The following PLCB1 variants were observed in gnomAD, a reference collection of about 807,000 sequenced individuals.
The protein encoded by PLCB1 is 1-phosphatidylinositol 4,5-bisphosphate phosphodiesterase beta-1.
In PLCB1, 46 loss-of-function variants were observed where a neutral mutation model predicts 161.8. The observed-to-expected ratio is 0.28, with a 90% CI of 0.22 to 0.36. The LOEUF (loss-of-function observed/expected upper bound fraction) is 0.36. Ranked by LOEUF, PLCB1 falls within the 10% of genes least tolerant of loss-of-function variation. PLCB1 has a pLI of 1.00. For synonymous variants in PLCB1, 517 were observed against 503.7 expected (o/e 1.03, Z -0.35); for missense variants, 1,016 against 1,472.5 (o/e 0.69, Z 5.07).
chr20:8,444,989 T>C (rs1248105057), intron 3 of PLCB1, among the ~76,000 whole-genome samples: 1 of 152,210 alleles, frequency 6.6e-6, no homozygotes, highest in Non-Finnish European at 1.5e-5. Flanking sequence ...TCTCCCATTC[T>C]GTAGGTTGTC....
intron 2 of PLCB1, among the ~76,000 whole-genome samples, chr20:8,247,641 A>AACACACACACAC (rs113727213): frequency 2.6e-4 from 38 of 147,354 alleles, no homozygotes; most frequent in African/African-American, 8.9e-4. Context: ...CATACACGCA[A>AACACACACACAC]ACACACACAC....
intron 2 of PLCB1, among the ~76,000 whole-genome samples, chr20:8,246,051 G>A (rs971106385): frequency 6.6e-6 from 1 of 151,836 alleles, no homozygotes; most frequent in African/African-American, 2.4e-5. Flanking sequence ...TTTTGTACAT[G>A]AGCATTCATT....
intron 7 of PLCB1, among the ~76,000 whole-genome samples, chr20:8,654,374 T>G (rs1989396944): frequency 6.6e-6 from 1 of 152,034 alleles, no homozygotes; most frequent in Non-Finnish European, 1.5e-5. Flanking sequence ...GTGCCTGATG[T>G]GATGGACCAC....
intron 23 of PLCB1, among the ~76,000 whole-genome samples, chr20:8,743,209 T>C (rs970521965): frequency 6.6e-6 from 1 of 152,226 alleles, no homozygotes; most frequent in African/African-American, 2.4e-5. Flanking sequence ...TTCATTGTGT[T>C]GATGTATGTT....
intron 29 of PLCB1, 35 bp downstream of exon 29, chr20:8,788,757 A>C: frequency 3.8e-6 from 5 of 1,331,030 alleles, no homozygotes; most frequent in Non-Finnish European, 5.3e-6. Context: ...CAAACAGTTC[A>C]TCTGGGAATT....
At chr20:8,733,654 G>A (rs184248121) in intron 19 of PLCB1, among the ~76,000 whole-genome samples, 1 of 150,912 alleles carries the variant, frequency 6.6e-6, no homozygotes, top group East Asian at 2.0e-4. Context: ...TGGGGGGAGC[G>A]GGGAGGGATA....
chr20:8,828,179 T>C (rs1985804363), intron 31 of PLCB1, among the ~76,000 whole-genome samples: 1 of 152,176 alleles, frequency 6.6e-6, no homozygotes, highest in Non-Finnish European at 1.5e-5. Context: ...GGTTGAAAGC[T>C]CTGGAAACGT....
intron 2 of PLCB1, among the ~76,000 whole-genome samples, chr20:8,355,004 G>A (rs1382518250): frequency 6.6e-6 from 1 of 152,140 alleles, no homozygotes; most frequent in Non-Finnish European, 1.5e-5. Context: ...GTTTAAATGT[G>A]TTGATGTATC....
chr20:8,137,411 A>T (rs759462497), intron 1 of PLCB1, among the ~76,000 whole-genome samples: 8 of 152,204 alleles, frequency 5.3e-5, no homozygotes, highest in Non-Finnish European at 8.8e-5. Flanking sequence ...GCAACTACAA[A>T]GTGCAAGGTG....
chr20:8,713,253 A>AT (rs879431016), intron 12 of PLCB1, among the ~76,000 whole-genome samples: 6 of 152,094 alleles, frequency 3.9e-5, no homozygotes, highest in Non-Finnish European at 8.8e-5. Flanking sequence ...CAGTGGTGCA[A>AT]TCTCGGCTTA....
intron 3 of PLCB1, among the ~76,000 whole-genome samples, chr20:8,372,607 C>T (rs1373559954): frequency 6.6e-6 from 1 of 152,140 alleles, no homozygotes; most frequent in African/African-American, 2.4e-5. Context: ...ACATTTATCT[C>T]CTTAGTAACA....
rs1982810033 is a variant in PLCB1 at position 8,488,202 on chromosome 20, GAGTCTAGGA to G, written c.246+116754_246+116762del. 2.0e-5 allele frequency among the ~76,000 whole-genome samples: 3 copies of G among 152,220 alleles called. No homozygotes were observed. In the South Asian group the frequency reaches 6.2e-4, roughly 32 times the overall value. On this transcript the variant is annotated intron_variant, in intron 3 of 31. Transcript: ENST00000338037. ...CAATTAAGTTTTAAATGATTCAAGT[GAGTCTAGGA>G]ATGTAAATCTTAACCATTGCAGAAG...
intron 23 of PLCB1, among the ~76,000 whole-genome samples, chr20:8,746,827 C>T (rs1010080201): frequency 3.3e-5 from 5 of 152,212 alleles, no homozygotes; most frequent in Admixed American, 6.5e-5. Context: ...TTCTGCAACT[C>T]ATGTTCCACA....
intron 3 of PLCB1, among the ~76,000 whole-genome samples, chr20:8,621,525 C>G (rs2123198745): frequency 6.6e-6 from 1 of 152,280 alleles, no homozygotes; most frequent in Middle Eastern, 3.4e-3. Context: ...GACCATTTAG[C>G]TTCGACTCTT....
At chr20:8,391,670 C>T (rs958085185) in intron 3 of PLCB1, among the ~76,000 whole-genome samples, 1 of 151,326 alleles carries the variant, frequency 6.6e-6, no homozygotes, top group Non-Finnish European at 1.5e-5. Flanking sequence ...AGACATAAAT[C>T]ATAATGTTTG....
At position 8,774,256 on chromosome 20, in the gene PLCB1, GATT is replaced by G. The variant is rs3830779; in HGVS notation, c.2931-276_2931-274del. On this transcript the variant is annotated intron_variant, in intron 26 of 31. Transcript: ENST00000338037. ...TTAGACACTGTTTTTCCCAAACGGA[GATT>G]ATTATTCTCACCACTGCCATGCCTA... Among the ~76,000 whole-genome samples the G allele has an allele frequency of 0.31, 47,817 of 151,820 alleles. 7,561 individuals are homozygous for G. The highest frequency in any genetic ancestry group is 0.48 in the Middle Eastern group (142 of 294).
chr20:8,661,503 T>C (rs1989620513), intron 9 of PLCB1, among the ~76,000 whole-genome samples: 1 of 150,472 alleles, frequency 6.6e-6, no homozygotes. Context: ...TCTGGCTGGC[T>C]GTATTTGTAG....
intron 3 of PLCB1, among the ~76,000 whole-genome samples, chr20:8,415,154 A>G (rs1979215096): frequency 6.6e-6 from 1 of 152,158 alleles, no homozygotes. Flanking sequence ...CTTACTTTAA[A>G]TCTTTTCCCA....
chr20:8,136,198 G>A (rs1379335081), intron 1 of PLCB1, among the ~76,000 whole-genome samples: 1 of 152,164 alleles, frequency 6.6e-6, no homozygotes, highest in Non-Finnish European at 1.5e-5. Context: ...CCCAACTTCA[G>A]TTTCCTCAAC....
Sources: allele counts gnomAD v4.1 joint callset (sites outside exome capture counted in the v4.1 genomes callset), GRCh38; gene constraint gnomAD v4.1.1; transcripts MANE v1.5; gene names NCBI Gene and HGNC (gene_info 2026-07-23, HGNC 2026-07-21).